Variants in ARHGAP24 observed in about 807,000 individuals in gnomAD.
The protein encoded by ARHGAP24 is rho GTPase-activating protein 24.
A neutral mutation model predicts 76.4 loss-of-function variants in ARHGAP24; 50 were observed. The observed-to-expected ratio is 0.65, with a 90% CI of 0.52 to 0.83. The LOEUF (loss-of-function observed/expected upper bound fraction) is 0.83, where lower values mean the gene tolerates loss of function less well. Ranked by LOEUF, ARHGAP24 falls within the 40% of genes least tolerant of loss-of-function variation. The pLI is 0.00. For missense variants in ARHGAP24, 930 were observed against 914.2 expected, an observed-to-expected ratio of 1.02 and a Z score of -0.22; for synonymous variants, 345 against 323.3, an observed-to-expected ratio of 1.07 and a Z score of -0.72.
At chr4:85,476,285 CT>C in intron 1 of ARHGAP24, among the ~76,000 whole-genome samples, 1 of 152,090 alleles carries the variant, frequency 6.6e-6, no homozygotes, top group African/African-American at 2.4e-5. Context: ...CAATGTTACT[CT>C]GAATTCCTTA....
intron 3 of ARHGAP24, among the ~76,000 whole-genome samples, chr4:85,919,485 A>C (rs1181244639): frequency 2.0e-5 from 3 of 152,190 alleles, no homozygotes; most frequent in Non-Finnish European, 4.4e-5. Flanking sequence ...ATTTACACAA[A>C]GAATCATACA....
chr4:85,775,566 G>C (rs1005874359), intron 3 of ARHGAP24, among the ~76,000 whole-genome samples: 1 of 152,082 alleles, frequency 6.6e-6, no homozygotes, highest in Non-Finnish European at 1.5e-5. Flanking sequence ...AGAACAGTAT[G>C]GGGGAAACTG....
At chr4:85,658,301 T>G (rs898203719) in intron 2 of ARHGAP24, among the ~76,000 whole-genome samples, 1 of 152,230 alleles carries the variant, frequency 6.6e-6, no homozygotes, top group African/African-American at 2.4e-5. Context: ...TTTAAAGGAA[T>G]ATGTAGCGGA....
At chr4:85,663,073 A>T (rs531638788) in intron 2 of ARHGAP24, among the ~76,000 whole-genome samples, 1 of 152,112 alleles carries the variant, frequency 6.6e-6, no homozygotes, top group South Asian at 2.1e-4. Context: ...TGGTAGCTTG[A>T]TGGGGATGGC....
chr4:85,679,687 G>T lies in ARHGAP24; in HGVS notation c.181-42198G>T, dbSNP rs886768260. ...CATCTTCCCTGGAATCCTATACTCT[G>T]CAGGTACTACACCATGTTGGGATGG... On this transcript the variant is annotated intron_variant, in intron 2 of 9. Transcript: ENST00000395184. Among the ~76,000 whole-genome samples the T allele has an allele frequency of 3.9e-5, 6 of 152,130 alleles. No homozygotes were observed. The East Asian group carries it at 7.8e-4, about 20-fold the overall frequency.
rs17010630 is a variant in ARHGAP24, at chr4:85,703,371, G to A, written c.181-18514G>A. On this transcript the variant is annotated intron_variant, in intron 2 of 9. Coordinates refer to ENST00000395184, the MANE Select transcript of ARHGAP24 (RefSeq NM_001025616.3). ...GTCCTAGACACCCAGTAAGGATGAA[G>A]TACTGTTTTACGTTGACTTGGCTGG... Among the ~76,000 whole-genome samples the A allele has an allele frequency of 1.5e-3, 227 of 152,262 alleles. 3 individuals are homozygous for A. The East Asian group carries it at 0.025, about 17-fold the overall frequency.
At chr4:85,723,466 A>G (rs1020688112) in intron 3 of ARHGAP24, 12 of 152,246 alleles carry the variant, frequency 7.9e-5, no homozygotes, top group African/African-American at 2.7e-4. Flanking sequence ...TTTCACATGC[A>G]GTGCGTATGA....
intron 1 of ARHGAP24, among the ~76,000 whole-genome samples, chr4:85,492,151 A>G (rs1247661631): frequency 6.7e-6 from 1 of 150,030 alleles, no homozygotes; most frequent in Non-Finnish European, 1.5e-5. Context: ...TTACCCTAGA[A>G]CCTTGTCATA....
intron 2 of ARHGAP24, among the ~76,000 whole-genome samples, chr4:85,610,063 G>A (rs981191985): frequency 6.6e-6 from 1 of 152,116 alleles, no homozygotes; most frequent in African/African-American, 2.4e-5. Context: ...TTTGTGTCAG[G>A]TCCCTGAGGG....
intron 2 of ARHGAP24, among the ~76,000 whole-genome samples, chr4:85,656,669 T>C (rs555477020): frequency 4.9e-4 from 75 of 152,214 alleles, no homozygotes; most frequent in African/African-American, 1.7e-3. Context: ...GGTTTTACCA[T>C]GTTGGCCAGG....
At chr4:85,769,778 G>A (rs938912225) in intron 3 of ARHGAP24, among the ~76,000 whole-genome samples, 2 of 151,770 alleles carry the variant, frequency 1.3e-5, no homozygotes, top group African/African-American at 2.4e-5. Flanking sequence ...TAGTAGAGAC[G>A]GGGTTTCACC....
chr4:85,636,148 C>G (rs1055883902), intron 2 of ARHGAP24, among the ~76,000 whole-genome samples: 1 of 151,822 alleles, frequency 6.6e-6, no homozygotes, highest in African/African-American at 2.4e-5. Context: ...GACCTTCACT[C>G]TTCCTTCTTT....
rs187996123 is a variant in ARHGAP24 at position 85,654,384 on chromosome 4, A to G, written c.181-67501A>G. ...AGGTTCTATCTCCAAATATAGTCACATTGGGAGTTAAGGTTTCAACATGAA... is the reference window on the plus strand; with the variant it reads ...AGGTTCTATCTCCAAATATAGTCACGTTGGGAGTTAAGGTTTCAACATGAA... On this transcript the variant is annotated intron_variant, in intron 2 of 9. Coordinates refer to ENST00000395184, the MANE Select transcript of ARHGAP24 (RefSeq NM_001025616.3). 2.3e-3 allele frequency among the ~76,000 whole-genome samples: 357 copies of G among 152,286 alleles called. 2 individuals are homozygous for G. Among genetic ancestry groups the G allele is most frequent in the Non-Finnish European group, 7.1e-4 (48 of 68,018 alleles).
intron 6 of ARHGAP24, 174 bp downstream of exon 6, chr4:85,972,342 TC>T: frequency 1.3e-6 from 1 of 763,432 alleles, no homozygotes; most frequent in East Asian, 2.7e-5. Flanking sequence ...CCATTTCCGA[TC>T]CCCTCTCTGA....
chr4:85,857,739 A>G (rs144835772), intron 3 of ARHGAP24, among the ~76,000 whole-genome samples: 1 of 152,190 alleles, frequency 6.6e-6, no homozygotes, highest in Non-Finnish European at 1.5e-5. Flanking sequence ...GCTCTCTTCA[A>G]TTGTAAGATA....
At chr4:85,926,766 A>AT (rs11444914) in intron 4 of ARHGAP24, among the ~76,000 whole-genome samples, 45,789 of 151,950 alleles carry the variant, frequency 0.3, 7,126 homozygotes, top group South Asian at 0.5. Context: ...TCAACCTCAC[A>AT]TTTTGTGGAT....
chr4:85,547,597 A>G (rs7684562), intron 1 of ARHGAP24, among the ~76,000 whole-genome samples: 18,575 of 152,056 alleles, frequency 0.12, 3,236 homozygotes, highest in African/African-American at 0.39. Context: ...CACCATGCCC[A>G]GCTAAATTTT....
intron 3 of ARHGAP24, among the ~76,000 whole-genome samples, chr4:85,914,009 T>A (rs1170355490): frequency 1.3e-5 from 2 of 152,208 alleles, no homozygotes; most frequent in Admixed American, 1.3e-4. Context: ...AGAAATACCT[T>A]AATGTTTGCT....
chr4:85,679,845 T>G (rs2110008954), intron 2 of ARHGAP24, among the ~76,000 whole-genome samples: 1 of 152,278 alleles, frequency 6.6e-6, no homozygotes, highest in Admixed American at 6.5e-5. Context: ...TTAATTCTCT[T>G]CACCCATTAC....
Sources: gnomAD v4.1 joint callset for allele counts (sites outside exome capture counted in the v4.1 genomes callset) on GRCh38, gnomAD v4.1.1 for gene constraint, MANE v1.5 for transcripts, NCBI Gene and HGNC (gene_info 2026-07-23, HGNC 2026-07-21) for gene names.